NPHP3: variants seen among roughly 807,000 people sequenced by gnomAD.
The protein encoded by NPHP3 is nephrocystin 3, also known as nephrocystin-3.
A neutral mutation model predicts 171.9 loss-of-function variants in NPHP3; 123 were observed. That is an observed-to-expected ratio of 0.72 (90% CI 0.62 to 0.83). The LOEUF (loss-of-function observed/expected upper bound fraction) is 0.83, where lower values mean the gene tolerates loss of function less well. NPHP3 is among the 40% of genes least tolerant of loss of function. The pLI is 0.00. For synonymous variants in NPHP3, 558 were observed against 579.2 expected, an observed-to-expected ratio of 0.96 and a Z score of 0.52; for missense variants, 1,506 against 1,591.9, an observed-to-expected ratio of 0.95 and a Z score of 0.92.
At chr3:132,704,116 C>A in intron 9 of NPHP3, 82 bp downstream of exon 9, 2 of 1,313,338 alleles carry the variant, frequency 1.5e-6, no homozygotes, top group Non-Finnish European at 1.1e-6. Context: ...TAAACCTTAA[C>A]TATATTTAGA....
intron 4 of NPHP3, 118 bp from the exon 5 acceptor site, chr3:132,715,336 A>G (rs1940020978): frequency 2.5e-6 from 2 of 799,382 alleles, no homozygotes; most frequent in Non-Finnish European, 4.4e-6. Context: ...ACATGTTAAT[A>G]CTGCCATACC....
intron 1 of NPHP3, among the ~76,000 whole-genome samples, chr3:132,720,784 G>A (rs984028131): frequency 2.0e-5 from 3 of 152,052 alleles, no homozygotes; most frequent in Non-Finnish European, 2.9e-5. Context: ...AACGACTCCG[G>A]GAACTCTTAG....
rs1939478612 is a variant in NPHP3 at position 132,697,257 on chromosome 3, C to T, written c.2088+3G>A. On this transcript the variant is annotated splice_donor_region_variant and intron_variant, in intron 14 of 26. Coordinates refer to ENST00000337331, the MANE Select transcript of NPHP3 (RefSeq NM_153240.5). Reference sequence around the variant, plus strand: ...AGATTGCATCAAAATGAAAAATACACACCTGCTCTTTACTCAATTTAATGT... The same window carrying T: ...AGATTGCATCAAAATGAAAAATACATACCTGCTCTTTACTCAATTTAATGT... 6.3e-7 allele frequency: 1 copy of T among 1,575,774 alleles called. No homozygotes were observed. The highest frequency in any genetic ancestry group is 8.7e-7 in the Non-Finnish European group (1 of 1,146,510).
Position 132,715,101 on chromosome 3 carries a change from A to C in NPHP3, c.941T>G (p.Met314Arg). ...TATCCTCACCTTAAGGAAAAGATCC[A>C]TCTCAGGCTGGGTTTCATCTGTATA... is the stretch of plus-strand genomic sequence containing the variant. ...LIYTDETQPE[M>R]DLFLKDYSPK... Residue 314 changes from methionine to arginine, a missense_variant, in exon 5 of 27, where the codon ATG (methionine) becomes AGG (arginine). Around this residue, in one of 3 missense-constraint regions of NPHP3, gnomAD observed 930 missense variants for 924.9 expected, o/e 1.01. Coordinates refer to ENST00000337331, the MANE Select transcript of NPHP3 (RefSeq NM_153240.5). 1 of 1,611,794 alleles carries C rather than the reference A, an allele frequency of 6.2e-7. No homozygotes were observed. The highest frequency in any genetic ancestry group is 8.5e-7 in the Non-Finnish European group (1 of 1,178,018).
At position 132,681,576 on chromosome 3, in the gene NPHP3, T is replaced by C; in HGVS notation, c.*334A>G. The C allele has an allele frequency of 3.2e-6, 1 of 310,532 alleles. No individual in the cohort carries two copies. Among genetic ancestry groups the C allele is most frequent in the South Asian group, 2.9e-5 (1 of 34,460 alleles). The allele number at this position is 310,532 out of a possible 1,614,324, so 19.2% of individuals were successfully genotyped here. On this transcript the variant is annotated 3_prime_UTR_variant, in exon 27 of 27. Coordinates refer to ENST00000337331, the MANE Select transcript of NPHP3 (RefSeq NM_153240.5). ...AGCCACCATGCCTGGCCAAGATTCA[T>C]GGAATTTTTGAACTCCTTGTCTTAA...
At chr3:132,694,379 T>TGTGTA (rs1391468945) in intron 16 of NPHP3, among the ~76,000 whole-genome samples, 52 of 148,920 alleles carry the variant, frequency 3.5e-4, no homozygotes, top group African/African-American at 1.1e-3. Flanking sequence ...GTGTGTGTGT[T>TGTGTA]TACACACACA....
intron 25 of NPHP3, 151 bp downstream of exon 25, chr3:132,683,248 C>A: frequency 1.3e-6 from 1 of 749,636 alleles, no homozygotes. Context: ...ACAAGTCTAA[C>A]TTCAATAGTT....
At chr3:132,714,028 C>T (rs754150386) in intron 5 of NPHP3, among the ~76,000 whole-genome samples, 4 of 152,194 alleles carry the variant, frequency 2.6e-5, no homozygotes, top group Non-Finnish European at 4.4e-5. Flanking sequence ...AATATGTCTA[C>T]AAAAATAATA....
intron 6 of NPHP3, among the ~76,000 whole-genome samples, chr3:132,712,787 T>TTA (rs1403760163): frequency 3.3e-5 from 5 of 151,524 alleles, no homozygotes; most frequent in East Asian, 1.9e-4. Context: ...AAAAAAAAAT[T>TTA]TATATATATA....
Position 132,715,108 on chromosome 3 carries a change from G to T in NPHP3, c.934C>A (p.Pro312Thr). The T allele has an allele frequency of 6.2e-7, 1 of 1,611,638 alleles. No individual in the cohort carries two copies. Among genetic ancestry groups the T allele is most frequent in the Non-Finnish European group, 8.5e-7 (1 of 1,178,020 alleles). The change falls in exon 5 of 27, where the codon CCT (proline) becomes ACT (threonine). Residue 312 changes from proline to threonine, a missense_variant. This residue lies in a region of NPHP3 where 930 missense variants were observed against 924.9 expected (regional missense o/e 1.01). Transcript: ENST00000337331. ...ACCTTAAGGAAAAGATCCATCTCAG[G>T]CTGGGTTTCATCTGTATAAATGAGG... ...CYLIYTDETQPEMDLFLKDYS... is the reference protein window; with the variant it reads ...CYLIYTDETQTEMDLFLKDYS...
In NPHP3 at chr3:132,697,225, G is replaced by C. The variant is rs534821962; in HGVS notation, c.2088+35C>G. On this transcript the variant is annotated intron_variant, in intron 14 of 26. Transcript: ENST00000337331. ...AAGATGTTTCATAGGAAAGATGAGA[G>C]AGTAAAAGATTGCATCAAAATGAAA... The C allele has an allele frequency of 1.2e-4, 156 of 1,297,142 alleles. 2 individuals are homozygous for C. In the South Asian group the frequency reaches 1.7e-3, roughly 14 times the overall value. The allele number at this position is 1,297,142 out of a possible 1,614,324, so 80.4% of individuals were successfully genotyped here. A position where few individuals can be genotyped will look rare whatever the true frequency, so the allele number is the denominator to read the frequency against.
chr3:132,688,297 T>TTA, intron 21 of NPHP3, among the ~76,000 whole-genome samples: 1 of 152,316 alleles, frequency 6.6e-6, no homozygotes, highest in South Asian at 2.1e-4. Flanking sequence ...AGATATCTCA[T>TTA]TATATATATG....
chr3:132,683,277 G>GT, intron 25 of NPHP3, 122 bp downstream of exon 25: 1 of 905,464 alleles, frequency 1.1e-6, no homozygotes, highest in South Asian at 1.4e-5. Context: ...ACTAAAGGAA[G>GT]TATTAGAAAT....
chr3:132,700,224 C>CA, intron 11 of NPHP3, 110 bp downstream of exon 11: 1 of 1,177,988 alleles, frequency 8.5e-7, no homozygotes, highest in Non-Finnish European at 1.2e-6. Flanking sequence ...TATATAAAAC[C>CA]AAAACAGGTG....
chr3:132,703,563 T>TTTTC (rs1160736889), intron 9 of NPHP3, among the ~76,000 whole-genome samples: 19 of 151,320 alleles, frequency 1.3e-4, no homozygotes, highest in East Asian at 1.2e-3. Context: ...CTTTTTTTTC[T>TTTTC]TTTCTTTCTT....
chr3:132,683,565 T>C lies in NPHP3; in HGVS notation c.3571-41A>G, dbSNP rs1436574917. On this transcript the variant is annotated intron_variant, in intron 24 of 26. Transcript: ENST00000337331. ...TAAATCTAACAAAAATATAAGGCAATAAATACTATCTTATCAGAGCTTTTT... is the reference window on the plus strand; with the variant it reads ...TAAATCTAACAAAAATATAAGGCAACAAATACTATCTTATCAGAGCTTTTT... The C allele has an allele frequency of 2.6e-6, 4 of 1,528,740 alleles. No individual in the cohort carries two copies. The African/African-American group carries it at 4.1e-5, about 16-fold the overall frequency. The allele number at this position is 1,528,740 out of a possible 1,614,324, so 94.7% of individuals were successfully genotyped here. A position where few individuals can be genotyped will look rare whatever the true frequency, so the allele number is the denominator to read the frequency against.
At chr3:132,702,890 A>G (rs1435924286) in intron 9 of NPHP3, among the ~76,000 whole-genome samples, 3 of 152,184 alleles carry the variant, frequency 2.0e-5, no homozygotes, top group Non-Finnish European at 4.4e-5. Flanking sequence ...TATAGGATCC[A>G]TGCTTCCCAG....
At chr3:132,687,350 GA>G in intron 21 of NPHP3, 124 bp from the exon 22 acceptor site, 1 of 583,392 alleles carries the variant, frequency 1.7e-6, no homozygotes, top group Non-Finnish European at 3.1e-6. Flanking sequence ...ATTTTTTCTA[GA>G]AATGATAGTC....
chr3:132,701,331 GTGTAGGCCGCGCAGGAAGGCAGGCA>G, intron 10 of NPHP3, 74 bp downstream of exon 10: 1 of 792,478 alleles, frequency 1.3e-6, no homozygotes, highest in East Asian at 2.7e-5. Context: ...TTAATGTTTA[GTGTAGGCCGCGCAGGAAGGCAGGCA>G]TGCAATACAT....
Sources: gnomAD v4.1 joint callset for allele counts (sites outside exome capture counted in the v4.1 genomes callset) on GRCh38, gnomAD v4.1.1 for gene constraint, gnomAD v4.1.1 regional missense constraint, MANE v1.5 for transcripts, NCBI Gene and HGNC (gene_info 2026-07-23, HGNC 2026-07-21) for gene names.